The following PTPRD variants were observed in gnomAD, a reference collection of about 807,000 sequenced individuals.
PTPRD encodes the protein receptor-type tyrosine-protein phosphatase delta.
Under a neutral mutation model 214.5 loss-of-function variants are expected in PTPRD, and 34 were observed. The ratio of observed to expected loss-of-function variants is 0.16; its 90% CI spans 0.12 to 0.21. The LOEUF (loss-of-function observed/expected upper bound fraction) is 0.21, where lower values mean the gene tolerates loss of function less well. Ranked by LOEUF, PTPRD falls within the 10% of genes least tolerant of loss-of-function variation. PTPRD has a pLI of 1.00. For synonymous variants in PTPRD, 1,128 were observed against 845.7 expected (o/e 1.33, Z -5.79); for missense variants, 2,545 against 2,398.7 (o/e 1.06, Z -1.27).
At position 9,841,564 on chromosome 9, in the gene PTPRD, A is replaced by C. The variant is rs187717709; in HGVS notation, c.-367-74713T>G. On this transcript the variant is annotated intron_variant, in intron 5 of 45. Transcript: ENST00000381196. ...GTTATTAGAATATATACGCTAGAAC[A>C]TGGACCTAGCGATAGAACGGCCCTT... Among the ~76,000 whole-genome samples, 50 of 152,286 alleles carry C rather than the reference A, an allele frequency of 3.3e-4. No homozygotes were observed. The East Asian group carries it at 9.3e-3, about 28-fold the overall frequency.
chr9:9,827,652 T>C (rs1270871874), intron 5 of PTPRD, among the ~76,000 whole-genome samples: 6 of 151,930 alleles, frequency 3.9e-5, no homozygotes, highest in Admixed American at 1.3e-4. Context: ...CCAAAACTGA[T>C]AAACGGGATC....
chr9:10,042,768 C>T (rs185321477), intron 3 of PTPRD, among the ~76,000 whole-genome samples: 211 of 152,024 alleles, frequency 1.4e-3, no homozygotes, highest in Admixed American at 2.2e-3. Context: ...TCCTTTTCCC[C>T]ACCAGACCTC....
chr9:9,816,634 A>G (rs2048860956), intron 5 of PTPRD, among the ~76,000 whole-genome samples: 1 of 152,106 alleles, frequency 6.6e-6, no homozygotes, highest in Non-Finnish European at 1.5e-5. Context: ...TGAGCTTAAA[A>G]AAGATGGAAA....
At chr9:8,391,790 A>G (rs2089666105) in intron 36 of PTPRD, among the ~76,000 whole-genome samples, 1 of 152,160 alleles carries the variant, frequency 6.6e-6, no homozygotes, top group East Asian at 1.9e-4. Context: ...CTTATCAAGG[A>G]AAGCAAATGT....
intron 39 of PTPRD, among the ~76,000 whole-genome samples, chr9:8,359,578 C>T (rs1222306209): frequency 6.6e-6 from 1 of 152,166 alleles, no homozygotes; most frequent in Non-Finnish European, 1.5e-5. Context: ...AAGTACTCCA[C>T]CTGCCTCAGC....
At chr9:8,641,440 G>T (rs959269434) in intron 12 of PTPRD, among the ~76,000 whole-genome samples, 1 of 148,576 alleles carries the variant, frequency 6.7e-6, no homozygotes, top group Non-Finnish European at 1.5e-5. Flanking sequence ...AGCTGCCAAT[G>T]CTGTACTTTG....
intron 7 of PTPRD, among the ~76,000 whole-genome samples, chr9:9,717,723 A>T (rs914549073): frequency 5.3e-5 from 8 of 152,220 alleles, no homozygotes; most frequent in African/African-American, 1.9e-4. Flanking sequence ...GGGAATACCA[A>T]GCCAGATTTC....
intron 2 of PTPRD, among the ~76,000 whole-genome samples, chr9:10,400,170 T>A (rs2098246274): frequency 6.6e-6 from 1 of 151,856 alleles, no homozygotes; most frequent in South Asian, 2.1e-4. Flanking sequence ...GCAGGTCAAC[T>A]GAAGTCTGTG....
At chr9:8,434,799 G>A (rs973629735) in intron 35 of PTPRD, among the ~76,000 whole-genome samples, 1 of 151,812 alleles carries the variant, frequency 6.6e-6, no homozygotes, top group African/African-American at 2.4e-5. Context: ...TTTATGATTT[G>A]CCTTATTTTC....
chr9:8,383,687 A>G lies in PTPRD; in HGVS notation c.4386+5545T>C, dbSNP rs890058638. Among the ~76,000 whole-genome samples the G allele has an allele frequency of 5.9e-5, 9 of 152,218 alleles. No individual in the cohort carries two copies. The East Asian group carries it at 1.7e-3, about 29-fold the overall frequency. On this transcript the variant is annotated intron_variant, in intron 37 of 45. Transcript: ENST00000381196. ...GGCACAGCCCACATTGGATTACAAT[A>G]AAAATCATGACTGATTTGTTAAGTG...
intron 11 of PTPRD, among the ~76,000 whole-genome samples, chr9:8,893,494 A>C (rs1440734910): frequency 6.6e-6 from 1 of 152,210 alleles, no homozygotes; most frequent in East Asian, 1.9e-4. Flanking sequence ...TTTCACTCTC[A>C]GAAAATTGAC....
intron 14 of PTPRD, among the ~76,000 whole-genome samples, chr9:8,548,960 G>T (rs1332583970): frequency 6.6e-6 from 1 of 151,944 alleles, no homozygotes; most frequent in African/African-American, 2.4e-5. Flanking sequence ...CAAAGTGATG[G>T]GATTACAGAT....
chr9:10,147,956 C>A (rs575242032), intron 3 of PTPRD, among the ~76,000 whole-genome samples: 2 of 152,182 alleles, frequency 1.3e-5, no homozygotes, highest in African/African-American at 4.8e-5. Context: ...AAGGTCTGAG[C>A]CCATTAGAAA....
At chr9:9,371,288 G>C (rs2139774680) in intron 9 of PTPRD, among the ~76,000 whole-genome samples, 1 of 152,200 alleles carries the variant, frequency 6.6e-6, no homozygotes, top group East Asian at 1.9e-4. Context: ...CTCAATTTCA[G>C]AGCCTGTTAT....
intron 9 of PTPRD, among the ~76,000 whole-genome samples, chr9:9,288,925 G>T (rs979772078): frequency 6.6e-6 from 1 of 151,814 alleles, no homozygotes; most frequent in East Asian, 2.0e-4. Flanking sequence ...ATGTGAAGAA[G>T]CACATGCTTT....
chr9:10,318,489 A>C (rs1403544262), intron 3 of PTPRD, among the ~76,000 whole-genome samples: 2 of 152,012 alleles, frequency 1.3e-5, no homozygotes, highest in Non-Finnish European at 2.9e-5. Flanking sequence ...TAGTCAGCAA[A>C]GTAATTGCTT....
intron 9 of PTPRD, among the ~76,000 whole-genome samples, chr9:9,396,832 G>C (rs536571265): frequency 2.6e-5 from 4 of 152,034 alleles, no homozygotes; most frequent in African/African-American, 9.7e-5. Context: ...GCAATGTGCA[G>C]AGAATCCTTG....
At chr9:8,835,413 C>T (rs1217222279) in intron 11 of PTPRD, among the ~76,000 whole-genome samples, 2 of 152,228 alleles carry the variant, frequency 1.3e-5, no homozygotes, top group East Asian at 3.8e-4. Context: ...CCCAGAGAGT[C>T]GGCTTCTTAG....
At chr9:8,922,480 T>C (rs2098834516) in intron 11 of PTPRD, among the ~76,000 whole-genome samples, 2 of 152,230 alleles carry the variant, frequency 1.3e-5, no homozygotes, top group African/African-American at 4.8e-5. Flanking sequence ...AAATTCTTAC[T>C]TTCTTAACAA....
Sources: gnomAD v4.1 joint callset for allele counts (sites outside exome capture counted in the v4.1 genomes callset) on GRCh38, gnomAD v4.1.1 for gene constraint, MANE v1.5 for transcripts, NCBI Gene and HGNC (gene_info 2026-07-23, HGNC 2026-07-21) for gene names.